Variants in FRMD4B observed in about 807,000 individuals in gnomAD.
FRMD4B encodes FERM domain-containing protein 4B.
A neutral mutation model predicts 141.5 loss-of-function variants in FRMD4B; 74 were observed. The ratio of observed to expected loss-of-function variants is 0.52; its 90% CI spans 0.43 to 0.63. The LOEUF is 0.63. Among genes scored for constraint, FRMD4B ranks in the 30% least tolerant of loss-of-function variants. FRMD4B has a pLI of 0.00. For missense variants in FRMD4B, 1,366 were observed against 1,253.4 expected (o/e 1.09, Z -1.36); for synonymous variants, 506 against 467.9 (o/e 1.08, Z -1.05).
In FRMD4B at chr3:69,313,521, C is replaced by CAGGA; in HGVS notation, c.163-8_163-5dup. 1 of 1,559,384 alleles carries CAGGA rather than the reference C, an allele frequency of 6.4e-7. No individual in the cohort carries two copies. The highest frequency in any genetic ancestry group is 8.7e-7 in the Non-Finnish European group (1 of 1,148,406). On this transcript the variant is annotated splice_region_variant and splice_polypyrimidine_tract_variant and intron_variant, in intron 1 of 22. Transcript: ENST00000398540. The stretch of plus-strand genomic sequence containing the variant: ...GGCAGTGCCTGCCTTCTGTCATCTG[C>CAGGA]AGGAACAAGACAGCAAGAGTGGTGT...
chr3:69,300,181 C>T (rs57146112), intron 4 of FRMD4B, among the ~76,000 whole-genome samples: 3,413 of 152,220 alleles, frequency 0.022, 132 homozygotes, highest in African/African-American at 0.078. Context: ...TCCACAGTGA[C>T]CTCGGTCAGT....
At chr3:69,509,076 C>T (rs371841717) in intron 1 of FRMD4B, among the ~76,000 whole-genome samples, 18 of 152,188 alleles carry the variant, frequency 1.2e-4, no homozygotes, top group East Asian at 3.9e-4. Context: ...TCAAGTGATA[C>T]ATGGATGATC....
intron 1 of FRMD4B, among the ~76,000 whole-genome samples, chr3:69,326,521 A>C (rs559404370): frequency 6.6e-6 from 1 of 152,202 alleles, no homozygotes; most frequent in Non-Finnish European, 1.5e-5. Context: ...ATGCAAGTTA[A>C]TATGTGTTCA....
intron 2 of FRMD4B, among the ~76,000 whole-genome samples, chr3:69,397,535 C>A (rs1359233532): frequency 6.6e-6 from 1 of 151,992 alleles, no homozygotes; most frequent in Non-Finnish European, 1.5e-5. Flanking sequence ...AAATAGATAA[C>A]TTTAAAAAAA....
At chr3:69,309,607 ATTTTTTTTT>A (rs34067186) in intron 3 of FRMD4B, among the ~76,000 whole-genome samples, 1 of 109,084 alleles carries the variant, frequency 9.2e-6, no homozygotes, top group African/African-American at 3.6e-5. Flanking sequence ...TACCTGGCTG[ATTTTTTTTT>A]TTTTTTTTTT....
intron 8 of FRMD4B, among the ~76,000 whole-genome samples, chr3:69,223,249 C>G (rs769954672): frequency 1.3e-5 from 2 of 152,174 alleles, no homozygotes; most frequent in Non-Finnish European, 2.9e-5. Context: ...GGTGCAGTGG[C>G]TCACGTCTGT....
rs1375100189 is a variant in FRMD4B at position 69,198,537 on chromosome 3, G to T, written c.953+161C>A. The T allele has an allele frequency of 1.0e-5, 6 of 601,198 alleles. No individual in the cohort carries two copies. In the African/African-American group the frequency reaches 1.1e-4, roughly 11 times the overall value. 37.2% of individuals were successfully genotyped at this position (601,198 alleles called of 1,614,324 possible). ...AAAAGCAGCCTTGCCATTCCTCAGA[G>T]GGTTAAAGATAGTTACCATTTGACC... is the stretch of plus-strand genomic sequence containing the variant. On this transcript the variant is annotated intron_variant, in intron 12 of 22. Transcript: ENST00000398540.
At chr3:69,234,264 T>C (rs959150766) in intron 7 of FRMD4B, among the ~76,000 whole-genome samples, 1 of 142,676 alleles carries the variant, frequency 7.0e-6, no homozygotes, top group Admixed American at 7.0e-5. Flanking sequence ...AAAAAAAAAG[T>C]GTATTAAATG....
intron 19 of FRMD4B, among the ~76,000 whole-genome samples, chr3:69,183,523 C>T (rs1364936983): frequency 1.4e-5 from 2 of 141,098 alleles, no homozygotes. Context: ...TGCTCTGTCG[C>T]CCAGGCTGGA....
At chr3:69,229,015 G>GTTTTTTTTTTTTTTTTTTTTTTTTTTTTT (rs58912710) in intron 7 of FRMD4B, among the ~76,000 whole-genome samples, 1 of 120,984 alleles carries the variant, frequency 8.3e-6, no homozygotes, top group Non-Finnish European at 1.7e-5. Context: ...TCAAAATCAT[G>GTTTTTTTTTTTTTTTTTTTTTTTTTTTTT]TTTTTTTTTT....
intron 2 of FRMD4B, among the ~76,000 whole-genome samples, chr3:69,422,112 G>A (rs74280288): frequency 0.065 from 9,922 of 152,108 alleles, 773 homozygotes; most frequent in East Asian, 0.43. Context: ...GAGAGGGGCC[G>A]GGCGTGGTGG....
In FRMD4B at chr3:69,313,430, C is replaced by A. The variant is rs912821638; in HGVS notation, c.228+22G>T. 3 of 1,538,210 alleles carry A rather than the reference C, an allele frequency of 2.0e-6. No individual in the cohort carries two copies. In the African/African-American group the frequency reaches 4.1e-5, roughly 21 times the overall value. On this transcript the variant is annotated intron_variant, in intron 2 of 22. Coordinates refer to ENST00000398540, the MANE Select transcript of FRMD4B (RefSeq NM_015123.3). ...ACCTGGGCAAGACTTATCTGGGCAA[C>A]ACACATGTGGGCCACACCTACCTGA...
At chr3:69,280,755 G>GGATT in intron 5 of FRMD4B, among the ~76,000 whole-genome samples, 1 of 151,866 alleles carries the variant, frequency 6.6e-6, no homozygotes, top group East Asian at 1.9e-4. Context: ...CAAGTAGCTG[G>GGATT]ACCATAGGTA....
chr3:69,463,189 C>T (rs1292404725), intron 1 of FRMD4B, among the ~76,000 whole-genome samples: 1 of 152,214 alleles, frequency 6.6e-6, no homozygotes, highest in African/African-American at 2.4e-5. Flanking sequence ...ACCAGTCAAT[C>T]CACTCTTCTC....
In FRMD4B at chr3:69,170,897, C is replaced by T. The variant is rs2092579786; in HGVS notation, c.*964G>A. ...ACTTGTTTAATTTTCTAACGTTCAC[C>T]ATTTTAAGGCACGCAATTCATCTAA... is the stretch of plus-strand genomic sequence containing the variant. On this transcript the variant is annotated 3_prime_UTR_variant, in exon 23 of 23. Coordinates refer to ENST00000398540, the MANE Select transcript of FRMD4B (RefSeq NM_015123.3). The T allele has an allele frequency of 6.6e-6, 1 of 152,022 alleles. No individual in the cohort carries two copies. The allele number at this position is 152,022 out of a possible 1,614,324, so 9.4% of individuals were successfully genotyped here.
At chr3:69,431,825 T>C (rs1212753500) in intron 2 of FRMD4B, among the ~76,000 whole-genome samples, 1 of 152,250 alleles carries the variant, frequency 6.6e-6, no homozygotes, top group Non-Finnish European at 1.5e-5. Context: ...TTTTGAGACA[T>C]AAAATGCTGT....
At chr3:69,206,855 T>A (rs970407947) in intron 11 of FRMD4B, among the ~76,000 whole-genome samples, 7 of 3,110 alleles carry the variant, frequency 2.3e-3, no homozygotes, top group African/African-American at 2.4e-3. Context: ...CTTAATACAT[T>A]TTTTTTTGGT....
intron 1 of FRMD4B, among the ~76,000 whole-genome samples, chr3:69,370,417 C>A (rs567359469): frequency 6.6e-6 from 1 of 152,258 alleles, no homozygotes; most frequent in African/African-American, 2.4e-5. Flanking sequence ...TGGGTACTTG[C>A]AGCTGGCAGT....
intron 1 of FRMD4B, among the ~76,000 whole-genome samples, chr3:69,493,519 G>T (rs1216167768): frequency 1.3e-5 from 2 of 152,288 alleles, no homozygotes; most frequent in East Asian, 3.9e-4. Context: ...TCCTGGAATG[G>T]AAGGTTAGGT....
Sources: allele counts gnomAD v4.1 joint callset (sites outside exome capture counted in the v4.1 genomes callset), GRCh38; gene constraint gnomAD v4.1.1; transcripts MANE v1.5; gene names NCBI Gene and HGNC (gene_info 2026-07-23, HGNC 2026-07-21).